The following RASGRP3 variants were observed in gnomAD, a reference collection of about 807,000 sequenced individuals.
RASGRP3 encodes the protein RAS guanyl releasing protein 3, also known as ras guanyl-releasing protein 3.
A neutral mutation model predicts 82.7 loss-of-function variants in RASGRP3; 54 were observed. That is an observed-to-expected ratio of 0.65 (90% CI 0.52 to 0.82). RASGRP3 has a LOEUF of 0.82. Ranked by LOEUF, RASGRP3 falls within the 40% of genes least tolerant of loss-of-function variation. The pLI, the probability that RASGRP3 is intolerant of heterozygous loss-of-function variation, is 0.00. For missense variants in RASGRP3, 861 were observed against 828.9 expected, an observed-to-expected ratio of 1.04 and a Z score of -0.48; for synonymous variants, 309 against 300.5, an observed-to-expected ratio of 1.03 and a Z score of -0.29.
At chr2:33,471,857 C>A (rs1222093820), upstream of RASGRP3, among the ~76,000 whole-genome samples, 1 of 151,654 alleles carries the variant, frequency 6.6e-6, no homozygotes, top group African/African-American at 2.4e-5. Context: ...TCTAAGCATT[C>A]ATTCTGTAAT....
chr2:33,516,125 G>T (rs1391283993), intron 3 of RASGRP3, among the ~76,000 whole-genome samples: 3 of 152,096 alleles, frequency 2.0e-5, no homozygotes, highest in Non-Finnish European at 4.4e-5. Flanking sequence ...AAGATCACTG[G>T]TCGGCCAGGC....
chr2:33,562,678 A>G, intron 17 of RASGRP3, 51 bp from the exon 18 acceptor site: 1 of 1,598,154 alleles, frequency 6.3e-7, no homozygotes, highest in African/African-American at 1.3e-5. Flanking sequence ...GAACACTCTT[A>G]TTTTGTTATA....
chr2:33,560,522 G>A (rs191046219), intron 17 of RASGRP3, among the ~76,000 whole-genome samples: 1 of 152,280 alleles, frequency 6.6e-6, no homozygotes, highest in Non-Finnish European at 1.5e-5. Flanking sequence ...GTCACTTCTG[G>A]GAAGAGGAGT....
In RASGRP3 at chr2:33,549,626, G is replaced by A. The variant is rs752018377; in HGVS notation, c.1417G>A (p.Glu473Lys). The A allele has an allele frequency of 1.2e-6, 2 of 1,613,236 alleles. No individual in the cohort carries two copies. The highest frequency in any genetic ancestry group is 1.7e-6 in the Non-Finnish European group (2 of 1,179,438). The change falls in exon 14 of 18, where the codon GAA (glutamate) becomes AAA (lysine). Residue 473 changes from glutamate to lysine, a missense_variant. Coordinates refer to ENST00000403687, the MANE Select transcript of RASGRP3 (RefSeq NM_001139488.2). Reference protein sequence around the residue: ...KDQDGLISKDEMMAYFLRAKS... With the variant: ...KDQDGLISKDKMMAYFLRAKS... ...CAGGGATGGCCTAATTAGTAAAGAT[G>A]AAATGATGGCTTACTTCCTGAGAGC...
chr2:33,500,272 A>G (rs1289250894), intron 1 of RASGRP3, among the ~76,000 whole-genome samples: 2 of 152,134 alleles, frequency 1.3e-5, no homozygotes, highest in Non-Finnish European at 2.9e-5. Flanking sequence ...GACCACAGGG[A>G]ACTGTGGAAG....
Position 33,516,579 on chromosome 2 carries a change from A to G in RASGRP3, c.108A>G (p.Arg36=), listed in dbSNP as rs532104316. The part of the protein sequence containing the change: ...NGELDNSYLP[R]IVLLMHRWYL... ...AGCTGGATAATAGTTATTTGCCAAG[A>G]ATAGTTCTACTGATGCACCGATGGT... The change falls in exon 4 of 18, where the codon AGA becomes AGG. Residue 36 remains arginine (R), a synonymous_variant. Transcript: ENST00000403687. 10 of 1,594,074 alleles carry G rather than the reference A, an allele frequency of 6.3e-6. No homozygotes were observed. The highest frequency in any genetic ancestry group is 1.3e-5 in the African/African-American group (1 of 74,656).
rs1478652418 is a variant in RASGRP3, at chr2:33,562,068, A to G, written c.2065-661A>G. ...CATAGTCATACATATGTACATATAC[A>G]TATGTAGATTTACAGATTTTCTCAG... On this transcript the variant is annotated intron_variant, in intron 17 of 17. Coordinates refer to ENST00000403687, the MANE Select transcript of RASGRP3 (RefSeq NM_001139488.2). Among the ~76,000 whole-genome samples the G allele has an allele frequency of 3.3e-5, 5 of 152,178 alleles. No homozygotes were observed. The East Asian group carries it at 9.6e-4, about 29-fold the overall frequency.
intron 1 of RASGRP3, among the ~76,000 whole-genome samples, chr2:33,490,462 C>G (rs1474676113): frequency 2.0e-5 from 3 of 152,226 alleles, no homozygotes; most frequent in Non-Finnish European, 2.9e-5. Flanking sequence ...CAGATCATTT[C>G]TCTTTCTCCT....
chr2:33,452,544 G>A (rs1011174475), intron 2 of RASGRP3, among the ~76,000 whole-genome samples: 1 of 152,168 alleles, frequency 6.6e-6, no homozygotes, highest in African/African-American at 2.4e-5. Context: ...GAGTGAATCT[G>A]GACCCTGTGT....
At chr2:33,443,445 A>G (rs779786836) in intron 1 of RASGRP3, among the ~76,000 whole-genome samples, 6 of 152,076 alleles carry the variant, frequency 3.9e-5, no homozygotes, top group Non-Finnish European at 7.4e-5. Context: ...AATTCTTTGG[A>G]TGGGGAAACT....
rs1294720273 is a variant in RASGRP3 at position 33,537,447 on chromosome 2, C to T, written c.1162-1647C>T. Among the ~76,000 whole-genome samples, 6 of 151,946 alleles carry T rather than the reference C, an allele frequency of 3.9e-5. No individual in the cohort carries two copies. In the East Asian group the frequency reaches 9.6e-4, roughly 24 times the overall value. Reference sequence around the variant, plus strand: ...AATCTCAGCTCACTGCAACCTCCACCTCCCTGGCTCAAGCAATTCTCCTGC... The same window carrying T: ...AATCTCAGCTCACTGCAACCTCCACTTCCCTGGCTCAAGCAATTCTCCTGC... On this transcript the variant is annotated intron_variant, in intron 11 of 17. Coordinates refer to ENST00000403687, the MANE Select transcript of RASGRP3 (RefSeq NM_001139488.2).
intron 9 of RASGRP3, among the ~76,000 whole-genome samples, chr2:33,525,208 G>T (rs1396429820): frequency 6.6e-6 from 1 of 151,286 alleles, no homozygotes; most frequent in Non-Finnish European, 1.5e-5. Context: ...GACAGAAATA[G>T]TTCCTACCCT....
Position 33,558,714 on chromosome 2 carries a change from A to T in RASGRP3, c.1748A>T (p.His583Leu). 6.2e-7 allele frequency: 1 copy of T among 1,613,390 alleles called. No individual in the cohort carries two copies. Among genetic ancestry groups the T allele is most frequent in the Non-Finnish European group, 8.5e-7 (1 of 1,179,676 alleles). ...VFEFPGVTAG[H>L]RDLDSRAITL... ...GAGTTCCCTGGAGTCACTGCTGGAC[A>T]CAGGGATTTAGACAGCAGAGCCATC... is the stretch of plus-strand genomic sequence containing the variant. The change falls in exon 17 of 18, where the codon CAC becomes CTC. Residue 583 changes from histidine to leucine, a missense_variant. Coordinates refer to ENST00000403687, the MANE Select transcript of RASGRP3 (RefSeq NM_001139488.2).
At chr2:33,539,020 C>G in intron 11 of RASGRP3, 74 bp from the exon 12 acceptor site, 1 of 1,112,520 alleles carries the variant, frequency 9.0e-7, no homozygotes, top group Non-Finnish European at 1.3e-6. Context: ...GCCTGGGCGA[C>G]AGAACCAGAC....
At chr2:33,458,120 C>G (rs1666145777) in intron 2 of RASGRP3, 1 of 152,212 alleles carries the variant, frequency 6.6e-6, no homozygotes, top group East Asian at 1.9e-4. Flanking sequence ...GGATACAGAC[C>G]ATCTGGGCCA....
intron 12 of RASGRP3, among the ~76,000 whole-genome samples, chr2:33,540,929 C>T (rs928999322): frequency 6.8e-6 from 1 of 146,026 alleles, no homozygotes; most frequent in East Asian, 1.9e-4. Context: ...TTGAGATGGG[C>T]TCATTTTAGT....
chr2:33,559,880 A>ACATTT (rs544299401), intron 17 of RASGRP3, among the ~76,000 whole-genome samples: 30 of 152,294 alleles, frequency 2.0e-4, no homozygotes, highest in Admixed American at 4.6e-4. Context: ...ACGTCTCCAT[A>ACATTT]CATTTCCCAT....
intron 10 of RASGRP3, among the ~76,000 whole-genome samples, chr2:33,529,216 T>C (rs966895275): frequency 9.9e-5 from 15 of 152,104 alleles, no homozygotes; most frequent in Non-Finnish European, 2.1e-4. Flanking sequence ...GAGTACTGGC[T>C]GGGCGTGGTG....
intron 15 of RASGRP3, 30 bp from the exon 16 acceptor site, chr2:33,558,181 A>C (rs1371468933): frequency 6.2e-7 from 1 of 1,602,354 alleles, no homozygotes; most frequent in South Asian, 1.1e-5. Context: ...AGACACACTA[A>C]TCATCTGCGA....
Sources: allele counts gnomAD v4.1 joint callset (sites outside exome capture counted in the v4.1 genomes callset), GRCh38; gene constraint gnomAD v4.1.1; transcripts MANE v1.5; gene names NCBI Gene and HGNC (gene_info 2026-07-23, HGNC 2026-07-21).